Variants in CHRM5 observed in about 807,000 individuals in gnomAD.
CHRM5 encodes cholinergic receptor muscarinic 5, also known as muscarinic acetylcholine receptor M5.
CHRM5 carries 18 observed loss-of-function variants against 39.0 expected under a neutral mutation model. The observed-to-expected ratio is 0.46, with a 90% CI of 0.32 to 0.68. The LOEUF is 0.68. CHRM5 is among the 30% of genes least tolerant of loss of function. CHRM5 has a pLI of 0.04. For synonymous variants in CHRM5, 241 were observed against 246.3 expected, an observed-to-expected ratio of 0.98 and a Z score of 0.20; for missense variants, 515 against 651.1, an observed-to-expected ratio of 0.79 and a Z score of 2.28.
intron 1 of CHRM5, chr15:34,038,780 C>T (rs1304594919): frequency 1.3e-5 from 15 of 1,176,402 alleles, no homozygotes; most frequent in Non-Finnish European, 1.6e-5. Context: ...CGCCTCTTAC[C>T]GGCGCGCTGG....
chr15:34,001,678 AAAG>A (rs1331334557), intron 1 of CHRM5, among the ~76,000 whole-genome samples: 1 of 145,086 alleles, frequency 6.9e-6, no homozygotes, highest in African/African-American at 2.6e-5. Context: ...CCACAAACCT[AAAG>A]AAGTTATGCT....
intron 1 of CHRM5, among the ~76,000 whole-genome samples, chr15:33,987,944 G>A (rs1209849158): frequency 6.6e-6 from 1 of 152,196 alleles, no homozygotes; most frequent in Non-Finnish European, 1.5e-5. Flanking sequence ...CATTCTCTGT[G>A]ACTGTCTACA....
chr15:34,032,222 C>A (rs1898886819), intron 1 of CHRM5, among the ~76,000 whole-genome samples: 1 of 152,130 alleles, frequency 6.6e-6, no homozygotes, highest in Non-Finnish European at 1.5e-5. Flanking sequence ...TTTGCAACCA[C>A]CTAATTTCTA....
At chr15:34,049,768 T>G (rs892559490) in intron 2 of CHRM5, among the ~76,000 whole-genome samples, 1 of 151,498 alleles carries the variant, frequency 6.6e-6, no homozygotes, top group African/African-American at 2.4e-5. Context: ...GAAAAAATAT[T>G]AAGGGCAGCC....
intron 1 of CHRM5, among the ~76,000 whole-genome samples, chr15:33,976,913 G>A (rs1043407459): frequency 4.4e-4 from 67 of 152,134 alleles, no homozygotes; most frequent in Non-Finnish European, 2.2e-4. Flanking sequence ...CTGTGGTATA[G>A]TGACATCCTG....
intron 1 of CHRM5, among the ~76,000 whole-genome samples, chr15:34,023,226 C>G (rs190438192): frequency 6.6e-6 from 1 of 152,110 alleles, no homozygotes; most frequent in Admixed American, 6.6e-5. Flanking sequence ...CCCCTCTCAT[C>G]CCCCACTCAG....
chr15:34,024,040 A>C (rs1400053968), intron 1 of CHRM5, among the ~76,000 whole-genome samples: 1 of 152,208 alleles, frequency 6.6e-6, no homozygotes, highest in East Asian at 1.9e-4. Flanking sequence ...CCAGAAAATA[A>C]ATGTGAATGT....
rs1075756 is a variant in CHRM5 at position 34,002,190 on chromosome 15, G to A, written c.-408+33040G>A. Among the ~76,000 whole-genome samples, 103 of 152,174 alleles carry A rather than the reference G, an allele frequency of 6.8e-4. No individual in the cohort carries two copies. The South Asian group carries it at 1.0e-2, about 15-fold the overall frequency. ...TTTATTCATACTCATTTGTGCACAC[G>A]TGTGTATATTAAGTTCTACACAATT... On this transcript the variant is annotated intron_variant, in intron 1 of 2. Transcript: ENST00000383263.
intron 1 of CHRM5, among the ~76,000 whole-genome samples, chr15:33,990,203 C>CA (rs974521627): frequency 2.9e-4 from 40 of 140,222 alleles, no homozygotes; most frequent in Middle Eastern, 3.6e-3. Context: ...GACTCCGTCT[C>CA]AAAAAAAAAC....
At chr15:34,061,994 A>G (rs79823630) in intron 2 of CHRM5, among the ~76,000 whole-genome samples, 115 of 152,282 alleles carry the variant, frequency 7.6e-4, no homozygotes, top group African/African-American at 2.6e-3. Context: ...TGATCATTGC[A>G]ATCTAAAGTG....
intron 1 of CHRM5, among the ~76,000 whole-genome samples, chr15:33,975,420 T>C (rs1041279047): frequency 4.6e-5 from 7 of 152,196 alleles, no homozygotes; most frequent in South Asian, 2.1e-4. Flanking sequence ...TGCCTAAACA[T>C]TGATCAAGCA....
intron 1 of CHRM5, among the ~76,000 whole-genome samples, chr15:34,009,720 G>A (rs1346925798): frequency 1.3e-5 from 2 of 152,182 alleles, no homozygotes; most frequent in African/African-American, 4.8e-5. Flanking sequence ...AGGCACAGTG[G>A]TTCATGCCTG....
intron 1 of CHRM5, among the ~76,000 whole-genome samples, chr15:34,043,922 C>A (rs541844816): frequency 4.6e-5 from 7 of 152,130 alleles, no homozygotes; most frequent in Non-Finnish European, 1.0e-4. Context: ...GGGTCTCTGT[C>A]CCAGTCCAAG....
chr15:34,039,201 C>CAGCGG lies in CHRM5; in HGVS notation c.-407-7333_-407-7329dup, dbSNP rs1166111761. 4.9e-5 allele frequency: 30 copies of CAGCGG among 615,196 alleles called. 1 individual carries two copies. The East Asian group carries it at 9.5e-4, about 19-fold the overall frequency. The allele number at this position is 615,196 out of a possible 1,614,324, so 38.1% of individuals were successfully genotyped here. ...CGGGGCTAGGGATCGAGGCCGGCCG[C>CAGCGG]AGCGGAGCGGGGCGGGGCGGGGCGG... On this transcript the variant is annotated intron_variant, in intron 1 of 2. Transcript: ENST00000383263.
chr15:34,049,835 C>T (rs1478055807), intron 2 of CHRM5, among the ~76,000 whole-genome samples: 1 of 151,108 alleles, frequency 6.6e-6, no homozygotes, highest in Non-Finnish European at 1.5e-5. Flanking sequence ...CAGCAGGCCT[C>T]TTGGTGGAAA....
In CHRM5 at chr15:34,028,362, C is replaced by T. The variant is rs548668600; in HGVS notation, c.-407-18178C>T. ...GGTGGTTCACTTGAGCCCAGGAGTT[C>T]GAGAGCAGCCTGTGCAACCTGGCAA... On this transcript the variant is annotated intron_variant, in intron 1 of 2. Transcript: ENST00000383263. Among the ~76,000 whole-genome samples, 5 of 152,150 alleles carry T rather than the reference C, an allele frequency of 3.3e-5. 1 individual carries two copies. The highest frequency in any genetic ancestry group is 7.2e-5 in the African/African-American group (3 of 41,510).
chr15:33,984,649 G>A (rs746035653), intron 1 of CHRM5, among the ~76,000 whole-genome samples: 7 of 152,108 alleles, frequency 4.6e-5, no homozygotes, highest in Non-Finnish European at 1.0e-4. Flanking sequence ...TGATCCACCC[G>A]TCTTGGCCTC....
At chr15:34,016,100 A>G (rs1766595997) in intron 1 of CHRM5, among the ~76,000 whole-genome samples, 1 of 152,218 alleles carries the variant, frequency 6.6e-6, no homozygotes. Flanking sequence ...AACATGGAGA[A>G]ACCCCGTCTC....
chr15:34,003,194 C>T (rs750396163), intron 1 of CHRM5: 7 of 1,613,396 alleles, frequency 4.3e-6, no homozygotes, highest in South Asian at 1.1e-5. Flanking sequence ...GTCTCTGCAT[C>T]GCTGTCATCT....
Sources: allele counts gnomAD v4.1 joint callset (sites outside exome capture counted in the v4.1 genomes callset), GRCh38; gene constraint gnomAD v4.1.1; transcripts MANE v1.5; gene names NCBI Gene and HGNC (gene_info 2026-07-23, HGNC 2026-07-21).